RALGPS1: variants seen among roughly 807,000 people sequenced by gnomAD.
The protein encoded by RALGPS1 is Ral GEF with PH domain and SH3 binding motif 1, also known as ras-specific guanine nucleotide-releasing factor RalGPS1.
RALGPS1 carries 19 observed loss-of-function variants against 78.8 expected under a neutral mutation model. That is an observed-to-expected ratio of 0.24 (90% confidence interval 0.17 to 0.35). The LOEUF (loss-of-function observed/expected upper bound fraction) is 0.35. RALGPS1 is among the 10% of genes least tolerant of loss of function. The probability of loss-of-function intolerance (pLI) is 1.00; values close to 1 mark genes in which losing one functional copy is unlikely to be tolerated. For missense variants in RALGPS1, 454 were observed against 688.3 expected (o/e 0.66, Z 3.81); for synonymous variants, 228 against 256.3 (o/e 0.89, Z 1.06).
intron 11 of RALGPS1, among the ~76,000 whole-genome samples, chr9:127,193,852 C>T (rs555551800): frequency 2.6e-5 from 4 of 152,282 alleles, no homozygotes; most frequent in Admixed American, 2.0e-4. Flanking sequence ...TCACTCTTTC[C>T]CACCCCCAGG....
intron 10 of RALGPS1, among the ~76,000 whole-genome samples, chr9:127,172,771 T>C (rs941950775): frequency 1.3e-5 from 2 of 152,244 alleles, no homozygotes; most frequent in Non-Finnish European, 2.9e-5. Context: ...GGTTTTGTTT[T>C]ACTTGTGTTT....
At chr9:127,143,572 T>A (rs1280726399) in intron 8 of RALGPS1, among the ~76,000 whole-genome samples, 1 of 152,164 alleles carries the variant, frequency 6.6e-6, no homozygotes. Context: ...CATTCCTCCC[T>A]GTTTATGTGG....
chr9:127,098,096 A>G (rs972561521), intron 8 of RALGPS1, among the ~76,000 whole-genome samples: 1 of 152,150 alleles, frequency 6.6e-6, no homozygotes, highest in Admixed American at 6.5e-5. Flanking sequence ...ACACGTTACT[A>G]TATTTGCTTT....
intron 8 of RALGPS1, among the ~76,000 whole-genome samples, chr9:127,093,431 C>T (rs570970672): frequency 2.6e-5 from 4 of 152,276 alleles, no homozygotes; most frequent in Admixed American, 2.0e-4. Flanking sequence ...GCCCCCATAC[C>T]AGCGTTTCTA....
intron 3 of RALGPS1, among the ~76,000 whole-genome samples, chr9:126,968,799 A>C (rs1409645338): frequency 6.6e-6 from 1 of 152,370 alleles, no homozygotes; most frequent in African/African-American, 2.4e-5. Context: ...CTATAATCCC[A>C]GCACTTTGGG....
intron 7 of RALGPS1, among the ~76,000 whole-genome samples, chr9:127,064,971 G>T (rs1347061978): frequency 1.3e-5 from 2 of 150,662 alleles, no homozygotes; most frequent in African/African-American, 4.9e-5. Context: ...TTTTGTTTTG[G>T]GTCTTTCTAT....
At chr9:127,165,072 C>T (rs984721534) in intron 8 of RALGPS1, among the ~76,000 whole-genome samples, 1 of 152,168 alleles carries the variant, frequency 6.6e-6, no homozygotes, top group Non-Finnish European at 1.5e-5. Flanking sequence ...AAATTTGTAA[C>T]CATTAGATCT....
chr9:126,996,553 C>CA (rs978705675), intron 4 of RALGPS1, among the ~76,000 whole-genome samples: 1 of 152,018 alleles, frequency 6.6e-6, no homozygotes, highest in Admixed American at 6.5e-5. Flanking sequence ...GCTTACCAAC[C>CA]AAAAAAAGTC....
At chr9:126,951,619 C>T (rs1466117546) in intron 1 of RALGPS1, among the ~76,000 whole-genome samples, 15 of 151,842 alleles carry the variant, frequency 9.9e-5, no homozygotes, top group Admixed American at 5.2e-4. Flanking sequence ...AATTCAACAA[C>T]GCTTCATGCT....
intron 1 of RALGPS1, among the ~76,000 whole-genome samples, chr9:126,956,248 G>A (rs970716282): frequency 3.3e-5 from 5 of 151,978 alleles, no homozygotes; most frequent in South Asian, 4.2e-4. Context: ...TGTTCTCAGG[G>A]CGGGGCTAGG....
At chr9:127,107,018 G>A (rs1467455380) in intron 8 of RALGPS1, 3 of 152,238 alleles carry the variant, frequency 2.0e-5, no homozygotes, top group Non-Finnish European at 4.4e-5. Flanking sequence ...ATGAACAAGG[G>A]GCTGAGCTTC....
chr9:127,171,930 T>G (rs1180242885), intron 10 of RALGPS1, among the ~76,000 whole-genome samples: 1 of 152,236 alleles, frequency 6.6e-6, no homozygotes, highest in Non-Finnish European at 1.5e-5. Flanking sequence ...CTTCCAACTT[T>G]TTGTTAGTTG....
At chr9:126,954,313 T>A (rs1027540874) in intron 1 of RALGPS1, among the ~76,000 whole-genome samples, 2 of 152,220 alleles carry the variant, frequency 1.3e-5, no homozygotes, top group South Asian at 4.1e-4. Context: ...AAGTCTTGTC[T>A]ATGCAACCTC....
intron 11 of RALGPS1, among the ~76,000 whole-genome samples, chr9:127,181,601 C>A (rs1416935780): frequency 6.6e-6 from 1 of 152,254 alleles, no homozygotes; most frequent in Non-Finnish European, 1.5e-5. Context: ...CAGAAGGCAA[C>A]TTCCATGTAA....
intron 11 of RALGPS1, among the ~76,000 whole-genome samples, chr9:127,193,436 C>A (rs752762970): frequency 6.6e-6 from 1 of 151,892 alleles, no homozygotes; most frequent in African/African-American, 2.4e-5. Context: ...GGAGAAGGTG[C>A]CTGTGCAGAG....
chr9:127,050,264 T>C (rs1185325101), intron 6 of RALGPS1, 132 bp downstream of exon 6: 12 of 778,460 alleles, frequency 1.5e-5, no homozygotes, highest in Non-Finnish European at 2.3e-5. Flanking sequence ...AACAGGGTGC[T>C]GTGGCTTGAC....
chr9:127,106,483 C>T (rs992605635), intron 8 of RALGPS1, among the ~76,000 whole-genome samples: 7 of 152,210 alleles, frequency 4.6e-5, no homozygotes, highest in African/African-American at 9.6e-5. Flanking sequence ...TGCAGTATTT[C>T]GTTTCCTAAA....
intron 4 of RALGPS1, among the ~76,000 whole-genome samples, chr9:127,003,904 T>C (rs984440512): frequency 1.4e-4 from 22 of 152,170 alleles, no homozygotes; most frequent in African/African-American, 4.8e-4. Context: ...CAGCACTTTA[T>C]GTTGTCAGAA....
In RALGPS1 at chr9:127,026,290, G is replaced by C. The variant is rs111478952; in HGVS notation, c.217-8141G>C. Among the ~76,000 whole-genome samples the C allele has an allele frequency of 7.2e-4, 109 of 152,256 alleles. 2 individuals are homozygous for C. Among genetic ancestry groups the C allele is most frequent in the African/African-American group, 2.5e-3 (104 of 41,542 alleles). ...TTTCTGCCTGCTTTATATTCTAGCC[G>C]CATTGGCAGCTGATTAGATAGTGCC... On this transcript the variant is annotated intron_variant, in intron 4 of 18. Transcript: ENST00000259351.
Sources: gnomAD v4.1 joint callset for allele counts (sites outside exome capture counted in the v4.1 genomes callset) on GRCh38, gnomAD v4.1.1 for gene constraint, MANE v1.5 for transcripts, NCBI Gene and HGNC (gene_info 2026-07-23, HGNC 2026-07-21) for gene names.